COL23A1: variants seen among roughly 807,000 people sequenced by gnomAD.
COL23A1 encodes the protein collagen alpha-1(XXIII) chain.
COL23A1 carries 97 observed loss-of-function variants against 99.3 expected under a neutral mutation model. The observed-to-expected ratio is 0.98, with a 90% CI of 0.83 to 1.16. The LOEUF is 1.16. COL23A1 is among the 50% of genes most tolerant of loss of function. COL23A1 has a pLI of 0.00. For synonymous variants in COL23A1, 320 were observed against 308.2 expected, an observed-to-expected ratio of 1.04 and a Z score of -0.40; for missense variants, 762 against 757.4, an observed-to-expected ratio of 1.01 and a Z score of -0.07.
intron 2 of COL23A1, among the ~76,000 whole-genome samples, chr5:178,466,693 C>G (rs71611436): frequency 6.6e-6 from 1 of 152,224 alleles, no homozygotes; most frequent in Non-Finnish European, 1.5e-5. Context: ...TGGAAAACAC[C>G]TGAGCCATGG....
intron 1 of COL23A1, among the ~76,000 whole-genome samples, chr5:178,576,754 G>T (rs1485925642): frequency 6.6e-6 from 1 of 151,882 alleles, no homozygotes; most frequent in Non-Finnish European, 1.5e-5. Context: ...AGCCCCAACG[G>T]GTCCCCCGGC....
At position 178,450,552 on chromosome 5, in the gene COL23A1, C is replaced by A. The variant is rs564794815; in HGVS notation, c.361+110130G>T. 3.3e-3 allele frequency among the ~76,000 whole-genome samples: 509 copies of A among 152,298 alleles called. 4 individuals carry two copies. Among genetic ancestry groups the A allele is most frequent in the African/African-American group, 0.012 (497 of 41,562 alleles). On this transcript the variant is annotated intron_variant, in intron 2 of 28. Coordinates refer to ENST00000390654, the MANE Select transcript of COL23A1 (RefSeq NM_173465.4). The stretch of plus-strand genomic sequence containing the variant: ...GTCCACAGCCTCCGAGCCGCTACAC[C>A]GGTGTCTGTGCTGTTACGAAAGAGG...
chr5:178,280,610 T>C lies in COL23A1; in HGVS notation c.441+7714A>G, dbSNP rs868731455. The stretch of plus-strand genomic sequence containing the variant: ...TTGGCTCGGTGACTTTGTGCAGGTC[T>C]GTGAACATGTTCTTCCATGTGATGG... On this transcript the variant is annotated intron_variant, in intron 5 of 28. Coordinates refer to ENST00000390654, the MANE Select transcript of COL23A1 (RefSeq NM_173465.4). The surrounding 1 kb of genome is among the most constrained non-coding windows in gnomAD (Gnocchi z 4.9). Among the ~76,000 whole-genome samples the C allele has an allele frequency of 5.1e-4, 78 of 152,174 alleles. No homozygotes were observed. The highest frequency in any genetic ancestry group is 1.8e-3 in the African/African-American group (73 of 41,442).
intron 2 of COL23A1, among the ~76,000 whole-genome samples, chr5:178,556,687 C>G (rs1329256738): frequency 7.2e-6 from 1 of 138,104 alleles, no homozygotes; most frequent in African/African-American, 2.9e-5. Context: ...AGTGTGGTAG[C>G]TCATGCCTGT....
chr5:178,261,813 T>C, intron 10 of COL23A1, 65 bp from the exon 11 acceptor site: 3 of 1,342,656 alleles, frequency 2.2e-6, no homozygotes, highest in East Asian at 2.3e-5. Flanking sequence ...CTGTCCTTCT[T>C]AGCATCCTGG....
At chr5:178,491,987 G>A (rs1019458983) in intron 2 of COL23A1, among the ~76,000 whole-genome samples, 2 of 151,914 alleles carry the variant, frequency 1.3e-5, no homozygotes, top group African/African-American at 2.4e-5. Context: ...CACCTGCCTC[G>A]GCCCCCCAAA....
rs1367497232 is a variant in COL23A1 at position 178,281,350 on chromosome 5, C to T, written c.441+6974G>A. Among the ~76,000 whole-genome samples, 1 of 152,218 alleles carries T rather than the reference C, an allele frequency of 6.6e-6. No individual in the cohort carries two copies. Among genetic ancestry groups the T allele is most frequent in the Admixed American group, 6.5e-5 (1 of 15,284 alleles). On this transcript the variant is annotated intron_variant, in intron 5 of 28. Transcript: ENST00000390654. This position sits in a 1 kb window ranked among gnomAD's most constrained non-coding sequence, Gnocchi z 4.0. ...TCTTGTTCACTTGATTAATTCCAAA[C>T]CGTCCATCCGAGTCCTTCATTTCAA...
chr5:178,584,125 C>T (rs537788005), intron 1 of COL23A1, among the ~76,000 whole-genome samples: 7 of 152,266 alleles, frequency 4.6e-5, no homozygotes, highest in African/African-American at 1.7e-4. Context: ...AAGTGATTCT[C>T]GTGCCTCCCA....
intron 2 of COL23A1, among the ~76,000 whole-genome samples, chr5:178,379,326 G>A (rs1214752416): frequency 1.3e-5 from 2 of 152,142 alleles, no homozygotes; most frequent in East Asian, 1.9e-4. Flanking sequence ...CTGGAAAAGT[G>A]AAACAAGCAG....
chr5:178,509,647 C>T (rs1759090262), intron 2 of COL23A1, among the ~76,000 whole-genome samples: 4 of 152,168 alleles, frequency 2.6e-5, no homozygotes, highest in African/African-American at 7.2e-5. Context: ...CCCACCTCCG[C>T]ACCACTGCCA....
chr5:178,286,651 G>A lies in COL23A1; in HGVS notation c.441+1673C>T, dbSNP rs544217402. Among the ~76,000 whole-genome samples the A allele has an allele frequency of 2.5e-3, 387 of 152,324 alleles. 3 individuals carry two copies. Among genetic ancestry groups the A allele is most frequent in the African/African-American group, 8.5e-3 (355 of 41,562 alleles). On this transcript the variant is annotated intron_variant, in intron 5 of 28. Coordinates refer to ENST00000390654, the MANE Select transcript of COL23A1 (RefSeq NM_173465.4). ...CTACTCCATCCGCACCCAGCCTCCT[G>A]CCTGTCGGCCACAGGGCCAGCTGCC...
intron 2 of COL23A1, among the ~76,000 whole-genome samples, chr5:178,318,581 G>T (rs1026379017): frequency 6.6e-6 from 1 of 152,212 alleles, no homozygotes; most frequent in Non-Finnish European, 1.5e-5. Context: ...GACCTGGACA[G>T]GAAGGGGAGG....
rs527554937 is a variant in COL23A1 at position 178,485,634 on chromosome 5, G to C, written c.361+75048C>G. On this transcript the variant is annotated intron_variant, in intron 2 of 28. Transcript: ENST00000390654. The stretch of plus-strand genomic sequence containing the variant: ...CTAAAAATACAAAAAAATAAAGTTA[G>C]CCAGGTGTGTTGGCATGTGCCTGTA... Among the ~76,000 whole-genome samples the C allele has an allele frequency of 8.4e-4, 127 of 152,076 alleles. 1 individual carries two copies. Among genetic ancestry groups the C allele is most frequent in the African/African-American group, 2.9e-3 (122 of 41,476 alleles).
chr5:178,275,492 T>C (rs1166324816), intron 5 of COL23A1, among the ~76,000 whole-genome samples: 1 of 152,172 alleles, frequency 6.6e-6, no homozygotes, highest in Non-Finnish European at 1.5e-5. Context: ...AAACCAGCCC[T>C]ATAAACGTTA....
chr5:178,579,372 GA>G (rs1482136091), intron 1 of COL23A1, among the ~76,000 whole-genome samples: 1 of 152,190 alleles, frequency 6.6e-6, no homozygotes, highest in Admixed American at 6.5e-5. Context: ...CTGAGGTTTG[GA>G]AAAACACTCA....
At chr5:178,352,940 T>A (rs893450603) in intron 2 of COL23A1, among the ~76,000 whole-genome samples, 95 of 152,330 alleles carry the variant, frequency 6.2e-4, no homozygotes, top group African/African-American at 2.2e-3. Flanking sequence ...TGCTCTCACA[T>A]ACCATTGAAA....
intron 2 of COL23A1, among the ~76,000 whole-genome samples, chr5:178,356,045 G>A (rs971510525): frequency 7.2e-5 from 11 of 152,200 alleles, no homozygotes; most frequent in African/African-American, 1.7e-4. Flanking sequence ...AGTATAAAAC[G>A]CAAGGTGCTG....
intron 2 of COL23A1, among the ~76,000 whole-genome samples, chr5:178,498,176 G>A (rs1269486201): frequency 8.2e-6 from 1 of 122,096 alleles, no homozygotes; most frequent in Admixed American, 1.0e-4. Flanking sequence ...GACCAGCCTG[G>A]CAACATGGCG....
intron 2 of COL23A1, among the ~76,000 whole-genome samples, chr5:178,380,651 G>A (rs1454198222): frequency 1.3e-5 from 2 of 152,184 alleles, no homozygotes; most frequent in African/African-American, 2.4e-5. Flanking sequence ...AGTGGCATTT[G>A]AGCCAATGAA....
Sources: gnomAD v4.1 joint callset for allele counts (sites outside exome capture counted in the v4.1 genomes callset) on GRCh38, gnomAD v4.1.1 for gene constraint, Gnocchi (gnomAD v3.1) non-coding constraint, MANE v1.5 for transcripts, NCBI Gene and HGNC (gene_info 2026-07-23, HGNC 2026-07-21) for gene names.